The following CAMK1D variants were observed in gnomAD, a reference collection of about 807,000 sequenced individuals.
CAMK1D encodes the protein calcium/calmodulin dependent protein kinase ID, also known as calcium/calmodulin-dependent protein kinase type 1D.
A neutral mutation model predicts 47.7 loss-of-function variants in CAMK1D; 9 were observed. That is an observed-to-expected ratio of 0.19 (90% CI 0.11 to 0.33). The LOEUF is 0.33. Ranked by LOEUF, CAMK1D falls within the 10% of genes least tolerant of loss-of-function variation. The pLI is 1.00. For missense variants in CAMK1D, 291 were observed against 488.7 expected (o/e 0.60, Z 3.81); for synonymous variants, 184 against 184.9 (o/e 0.99, Z 0.04).
chr10:12,490,027 T>A (rs1834334124), intron 1 of CAMK1D, among the ~76,000 whole-genome samples: 1 of 152,082 alleles, frequency 6.6e-6, no homozygotes, highest in Admixed American at 6.5e-5. Context: ...GGGCTCTGGA[T>A]GTGTTGGTGG....
At chr10:12,435,663 A>G (rs556485400) in intron 1 of CAMK1D, among the ~76,000 whole-genome samples, 1 of 152,204 alleles carries the variant, frequency 6.6e-6, no homozygotes, top group East Asian at 1.9e-4. Context: ...CTACCCTTTA[A>G]TACCTGGCAG....
At chr10:12,691,740 C>G (rs946285344) in intron 3 of CAMK1D, among the ~76,000 whole-genome samples, 1 of 151,960 alleles carries the variant, frequency 6.6e-6, no homozygotes. Flanking sequence ...CATGAGCCAC[C>G]GCATCTGCTC....
At chr10:12,573,613 CCTT>C (rs1029803905) in intron 2 of CAMK1D, among the ~76,000 whole-genome samples, 1 of 151,794 alleles carries the variant, frequency 6.6e-6, no homozygotes, top group Admixed American at 6.6e-5. Flanking sequence ...CCTCTTCTTT[CCTT>C]CTTTTTCTTC....
At chr10:12,773,614 C>T (rs866479942) in intron 5 of CAMK1D, among the ~76,000 whole-genome samples, 17 of 152,136 alleles carry the variant, frequency 1.1e-4, no homozygotes, top group Admixed American at 6.5e-5. Context: ...AAATATGGGC[C>T]GGGGGCGGTG....
intron 2 of CAMK1D, among the ~76,000 whole-genome samples, chr10:12,591,501 C>T (rs1322281908): frequency 6.6e-6 from 1 of 152,202 alleles, no homozygotes; most frequent in African/African-American, 2.4e-5. Context: ...GAGTTTCTAC[C>T]AAACACAGGT....
At chr10:12,772,453 C>G (rs1029118080) in intron 5 of CAMK1D, among the ~76,000 whole-genome samples, 11 of 152,170 alleles carry the variant, frequency 7.2e-5, no homozygotes, top group African/African-American at 2.7e-4. Context: ...GCTCTGACAA[C>G]CAGTGACGGC....
chr10:12,654,749 A>G (rs1428329688), intron 2 of CAMK1D, among the ~76,000 whole-genome samples: 4 of 152,210 alleles, frequency 2.6e-5, no homozygotes, highest in African/African-American at 9.6e-5. Context: ...AAATAAATGT[A>G]TTCAGCCTAG....
Position 12,821,067 on chromosome 10 carries a change from C to T in CAMK1D, c.834-3398C>T, listed in dbSNP as rs1336741366. ...GCCTGTTTCCTGCAATTGTGGGGAC[C>T]GGCAAATCAAAAATTTGCAGGCCAG... is the stretch of plus-strand genomic sequence containing the variant. On this transcript the variant is annotated intron_variant, in intron 8 of 10. Transcript: ENST00000619168. 6.6e-5 allele frequency among the ~76,000 whole-genome samples: 10 copies of T among 152,138 alleles called. No individual in the cohort carries two copies. In the East Asian group the frequency reaches 7.7e-4, roughly 12 times the overall value.
At chr10:12,445,718 C>T (rs1564344433) in intron 1 of CAMK1D, among the ~76,000 whole-genome samples, 1 of 152,120 alleles carries the variant, frequency 6.6e-6, no homozygotes, top group South Asian at 2.1e-4. Flanking sequence ...AGTCATAAAC[C>T]ATGTCCTGAC....
intron 1 of CAMK1D, among the ~76,000 whole-genome samples, chr10:12,380,615 T>TG (rs377550126): frequency 9.2e-5 from 14 of 152,196 alleles, no homozygotes; most frequent in African/African-American, 3.4e-4. Flanking sequence ...CCCAGCACTT[T>TG]GGGAGGCCAA....
rs371316851 is a variant in CAMK1D at position 12,494,667 on chromosome 10, C to T, written c.93-58558C>T. ...GCAACCTCTGCCTCCTGGGTTCAAGCGATTCTCCTGCCTTAGCCTCCTGAG... is the reference window on the plus strand; with the variant it reads ...GCAACCTCTGCCTCCTGGGTTCAAGTGATTCTCCTGCCTTAGCCTCCTGAG... On this transcript the variant is annotated intron_variant, in intron 1 of 10. Transcript: ENST00000619168. Among the ~76,000 whole-genome samples the T allele has an allele frequency of 9.0e-4, 137 of 152,192 alleles. 2 individuals carry two copies. In the South Asian group the frequency reaches 0.026, roughly 29 times the overall value.
At chr10:12,548,447 C>CTTTTTTTTTTTT (rs35061502) in intron 1 of CAMK1D, among the ~76,000 whole-genome samples, 3 of 81,186 alleles carry the variant, frequency 3.7e-5, no homozygotes, top group Non-Finnish European at 6.9e-5. Flanking sequence ...CCATTTTAAG[C>CTTTTTTTTTTTT]TTTTTTTTTT....
chr10:12,397,888 C>G (rs987508591), intron 1 of CAMK1D, among the ~76,000 whole-genome samples: 13 of 152,110 alleles, frequency 8.5e-5, no homozygotes, highest in African/African-American at 3.1e-4. Context: ...AAGACCTGGC[C>G]TAGGCTGGAA....
intron 1 of CAMK1D, among the ~76,000 whole-genome samples, chr10:12,395,230 A>AT (rs959141091): frequency 1.3e-5 from 2 of 151,266 alleles, no homozygotes; most frequent in Admixed American, 1.3e-4. Context: ...CGCCCAAGTA[A>AT]TTTTTTTTAA....
Position 12,746,454 on chromosome 10 carries a change from G to A in CAMK1D, c.300-14494G>A, listed in dbSNP as rs116670287. 1.0e-2 allele frequency among the ~76,000 whole-genome samples: 1,513 copies of A among 152,018 alleles called. 30 individuals are homozygous for A. Among genetic ancestry groups the A allele is most frequent in the African/African-American group, 0.034 (1,416 of 41,426 alleles). On this transcript the variant is annotated intron_variant, in intron 3 of 10. Transcript: ENST00000619168. ...GCTTGCCAGAAATTGGGAGGACATT[G>A]GAACGTTAGGCTTATTGTTTAGAAA... is the stretch of plus-strand genomic sequence containing the variant.
At chr10:12,548,887 G>A (rs759418392) in intron 1 of CAMK1D, among the ~76,000 whole-genome samples, 1 of 151,710 alleles carries the variant, frequency 6.6e-6, no homozygotes, top group Non-Finnish European at 1.5e-5. Flanking sequence ...ACAGAGTCTC[G>A]CTCTGTCATC....
At chr10:12,647,551 A>G (rs1001841701) in intron 2 of CAMK1D, among the ~76,000 whole-genome samples, 11 of 152,304 alleles carry the variant, frequency 7.2e-5, no homozygotes, top group African/African-American at 2.2e-4. Context: ...ATATATATAC[A>G]TATTTCCATC....
intron 2 of CAMK1D, among the ~76,000 whole-genome samples, chr10:12,625,575 C>T (rs1588704893): frequency 1.3e-5 from 2 of 151,280 alleles, no homozygotes; most frequent in African/African-American, 4.9e-5. Flanking sequence ...AAACAATCCT[C>T]TCGCCTCCGC....
At chr10:12,454,722 A>G (rs1467193479) in intron 1 of CAMK1D, among the ~76,000 whole-genome samples, 1 of 148,940 alleles carries the variant, frequency 6.7e-6, no homozygotes, top group Admixed American at 6.7e-5. Context: ...CTCAGCCCCT[A>G]AAAGTGCTGG....
Sources: gnomAD v4.1 joint callset for allele counts (sites outside exome capture counted in the v4.1 genomes callset) on GRCh38, gnomAD v4.1.1 for gene constraint, MANE v1.5 for transcripts, NCBI Gene and HGNC (gene_info 2026-07-23, HGNC 2026-07-21) for gene names.